Variants in WDR70 observed in about 807,000 individuals in gnomAD.
The protein encoded by WDR70 is WD repeat-containing protein 70.
WDR70 carries 53 observed loss-of-function variants against 88.6 expected under a neutral mutation model. The ratio of observed to expected loss-of-function variants is 0.60; its 90% confidence interval spans 0.48 to 0.75. The LOEUF (loss-of-function observed/expected upper bound fraction) is 0.75, where lower values mean the gene tolerates loss of function less well. WDR70 is among the 30% of genes least tolerant of loss of function. WDR70 has a pLI of 0.00. For synonymous variants in WDR70, 280 were observed against 270.0 expected (o/e 1.04, Z -0.36); for missense variants, 610 against 823.2 (o/e 0.74, Z 3.17).
chr5:37,610,526 G>A (rs1333078503), intron 10 of WDR70, among the ~76,000 whole-genome samples: 1 of 151,778 alleles, frequency 6.6e-6, no homozygotes, highest in Non-Finnish European at 1.5e-5. Flanking sequence ...CTTGATGCTT[G>A]TAAATTACCT....
chr5:37,568,679 C>G (rs1742814727), intron 9 of WDR70, among the ~76,000 whole-genome samples: 3 of 152,180 alleles, frequency 2.0e-5, no homozygotes, highest in African/African-American at 7.2e-5. Context: ...TGGAATTGTA[C>G]TGCTCAAGAT....
intron 8 of WDR70, among the ~76,000 whole-genome samples, chr5:37,483,669 A>G (rs1282061983): frequency 8.4e-6 from 1 of 118,474 alleles, no homozygotes; most frequent in Non-Finnish European, 1.8e-5. Context: ...ACTTCCCAGA[A>G]GGGGCGGCCA....
chr5:37,504,447 T>G (rs1031027974), intron 8 of WDR70, among the ~76,000 whole-genome samples: 5 of 152,234 alleles, frequency 3.3e-5, no homozygotes, highest in African/African-American at 1.2e-4. Flanking sequence ...CAGATCCTTC[T>G]GCAGTTTTAG....
intron 8 of WDR70, among the ~76,000 whole-genome samples, chr5:37,495,185 T>C (rs1740176874): frequency 6.6e-6 from 1 of 152,192 alleles, no homozygotes; most frequent in African/African-American, 2.4e-5. Context: ...TTTCAGGAGA[T>C]TTGATAATTC....
Position 37,443,287 on chromosome 5 carries a change from G to T in WDR70, c.601G>T (p.Gly201Ter). The T allele has an allele frequency of 6.2e-7, 1 of 1,613,750 alleles. No homozygotes were observed. Among genetic ancestry groups the T allele is most frequent in the Non-Finnish European group, 8.5e-7 (1 of 1,179,840 alleles). Residue 201 changes from glycine (G) to a stop codon, truncating the protein, a stop_gained, in exon 7 of 18, where the codon GGA becomes TGA. Coordinates refer to ENST00000265107, the MANE Select transcript of WDR70 (RefSeq NM_018034.4). LOFTEE classifies it high-confidence loss of function. ...DPSGARLVTGGYDYDVKFWDF... is the reference protein window; with the variant it reads ...DPSGARLVTG The stretch of plus-strand genomic sequence containing the variant: ...CTCAGGTGCCCGTTTGGTGACAGGA[G>T]GATATGACTATGATGTTAAGTTTTG...
chr5:37,672,601 T>C (rs1746060624), intron 10 of WDR70, among the ~76,000 whole-genome samples: 1 of 152,154 alleles, frequency 6.6e-6, no homozygotes, highest in Admixed American at 6.5e-5. Flanking sequence ...CTTGAACTTA[T>C]TTGTGACACA....
intron 10 of WDR70, among the ~76,000 whole-genome samples, chr5:37,612,915 T>TA (rs1053946945): frequency 6.6e-6 from 1 of 152,222 alleles, no homozygotes; most frequent in Non-Finnish European, 1.5e-5. Context: ...TTTCAATGGT[T>TA]ACATTTCCAA....
intron 10 of WDR70, among the ~76,000 whole-genome samples, chr5:37,679,747 C>T (rs1235392474): frequency 6.6e-6 from 1 of 152,188 alleles, no homozygotes; most frequent in African/African-American, 2.4e-5. Flanking sequence ...CTGGGAGAAC[C>T]ACTGGTCTCT....
At chr5:37,622,234 A>G (rs1744527523) in intron 10 of WDR70, among the ~76,000 whole-genome samples, 1 of 152,132 alleles carries the variant, frequency 6.6e-6, no homozygotes, top group Non-Finnish European at 1.5e-5. Context: ...TTAAAAAGTC[A>G]GGAAACAACA....
intron 9 of WDR70, among the ~76,000 whole-genome samples, chr5:37,528,469 G>T (rs1394576268): frequency 6.6e-6 from 1 of 152,096 alleles, no homozygotes; most frequent in Admixed American, 6.6e-5. Flanking sequence ...TCACACACCG[G>T]GGCCTGTTGT....
At chr5:37,396,347 C>G in intron 4 of WDR70, 28 bp from the exon 5 acceptor site, 1 of 1,575,452 alleles carries the variant, frequency 6.3e-7, no homozygotes, top group Non-Finnish European at 8.6e-7. Context: ...GCAGCAGAGG[C>G]AAAGAGTTTC....
chr5:37,715,816 T>C (rs1334911997), intron 13 of WDR70, among the ~76,000 whole-genome samples: 1 of 152,236 alleles, frequency 6.6e-6, no homozygotes, highest in African/African-American at 2.4e-5. Flanking sequence ...AGAAAGTTCT[T>C]TCTCCAGTAT....
Position 37,566,426 on chromosome 5 carries a change from A to AT in WDR70, c.918-38629dup, listed in dbSNP as rs201672595. Among the ~76,000 whole-genome samples the AT allele has an allele frequency of 2.7e-3, 404 of 151,504 alleles. 4 individuals are homozygous for AT. The highest frequency in any genetic ancestry group is 0.01 in the South Asian group (50 of 4,792). On this transcript the variant is annotated intron_variant, in intron 9 of 17. Coordinates refer to ENST00000265107, the MANE Select transcript of WDR70 (RefSeq NM_018034.4). ...GTTTTTGTTTTGAAAATTTGAGATA[A>AT]TTTTTTTTTCTTTAACCCCCAAATC...
At chr5:37,457,307 G>A (rs1481785308) in intron 7 of WDR70, among the ~76,000 whole-genome samples, 4 of 152,120 alleles carry the variant, frequency 2.6e-5, no homozygotes, top group South Asian at 2.1e-4. Context: ...TGTTGGCCAG[G>A]CTGGTCTCCA....
At chr5:37,388,440 T>TTTA (rs1189981733) in intron 3 of WDR70, among the ~76,000 whole-genome samples, 2 of 150,112 alleles carry the variant, frequency 1.3e-5, no homozygotes, top group Non-Finnish European at 3.0e-5. Context: ...TTTTTTTTTT[T>TTTA]AGAAGTGTTA....
intron 7 of WDR70, among the ~76,000 whole-genome samples, chr5:37,475,001 C>T (rs1374265660): frequency 6.6e-6 from 1 of 150,872 alleles, no homozygotes; most frequent in Non-Finnish European, 1.5e-5. Context: ...TCACCGCAAT[C>T]TGCACCTCTC....
At chr5:37,561,049 T>A (rs1338462787) in intron 9 of WDR70, among the ~76,000 whole-genome samples, 1 of 151,984 alleles carries the variant, frequency 6.6e-6, no homozygotes, top group African/African-American at 2.4e-5. Context: ...GGCAGGTTCA[T>A]GTATATGTCA....
intron 8 of WDR70, among the ~76,000 whole-genome samples, chr5:37,511,041 A>G (rs1441842429): frequency 6.6e-6 from 1 of 152,206 alleles, no homozygotes; most frequent in Non-Finnish European, 1.5e-5. Context: ...TTTCCACTAT[A>G]AAGTTACTGT....
intron 9 of WDR70, among the ~76,000 whole-genome samples, chr5:37,602,363 C>G (rs1243745401): frequency 2.6e-5 from 4 of 151,694 alleles, no homozygotes; most frequent in East Asian, 3.9e-4. Flanking sequence ...AATCCCAGCA[C>G]TTTGGGAGGC....
Sources: gnomAD v4.1 joint callset for allele counts (sites outside exome capture counted in the v4.1 genomes callset) on GRCh38, gnomAD v4.1.1 for gene constraint, MANE v1.5 for transcripts, NCBI Gene and HGNC (gene_info 2026-07-23, HGNC 2026-07-21) for gene names.